Variants in MICU1 observed in about 807,000 individuals in gnomAD.
The protein encoded by MICU1 is mitochondrial calcium uptake 1.
MICU1 carries 45 observed loss-of-function variants against 56.8 expected under a neutral mutation model. The observed-to-expected ratio is 0.79, with a 90% CI of 0.62 to 1.02. The LOEUF (loss-of-function observed/expected upper bound fraction) is 1.02, where lower values mean the gene tolerates loss of function less well. Among genes scored for constraint, MICU1 ranks in the 50% least tolerant of loss-of-function variants. The probability of loss-of-function intolerance (pLI) is 0.00; values close to 1 mark genes in which losing one functional copy is unlikely to be tolerated. For synonymous variants in MICU1, 186 were observed against 195.1 expected (o/e 0.95, Z 0.39); for missense variants, 504 against 587.1 (o/e 0.86, Z 1.46).
chr10:72,383,937 C>T (rs1278721474), intron 10 of MICU1, among the ~76,000 whole-genome samples: 2 of 151,840 alleles, frequency 1.3e-5, no homozygotes, highest in Admixed American at 6.6e-5. Context: ...ACTGGGACTA[C>T]AGGTGTGGAT....
chr10:72,444,797 C>G (rs1033121480), intron 8 of MICU1, among the ~76,000 whole-genome samples: 1 of 152,310 alleles, frequency 6.6e-6, no homozygotes, highest in Middle Eastern at 3.4e-3. Flanking sequence ...CTGGGGTACA[C>G]TGCGTTTGCT....
At chr10:72,553,073 C>T (rs79554558) in intron 3 of MICU1, among the ~76,000 whole-genome samples, 2,060 of 152,246 alleles carry the variant, frequency 0.014, 20 homozygotes, top group Non-Finnish European at 0.019. Flanking sequence ...GAATAGATTT[C>T]ACAGGAGACT....
intron 4 of MICU1, among the ~76,000 whole-genome samples, chr10:72,548,329 C>T (rs1010431605): frequency 3.9e-5 from 6 of 152,086 alleles, no homozygotes; most frequent in African/African-American, 1.4e-4. Flanking sequence ...CAATCAAATG[C>T]AGTGTAGAGG....
chr10:72,608,549 G>C (rs1194326249), intron 1 of MICU1, among the ~76,000 whole-genome samples: 1 of 152,036 alleles, frequency 6.6e-6, no homozygotes, highest in African/African-American at 2.4e-5. Context: ...ACCATAATGA[G>C]GTACTATTCA....
intron 1 of MICU1, among the ~76,000 whole-genome samples, chr10:72,609,639 C>A (rs1171112230): frequency 6.7e-6 from 1 of 150,006 alleles, no homozygotes; most frequent in African/African-American, 2.5e-5. Context: ...GAGGCTGAGG[C>A]AGGAGAATGG....
chr10:72,605,522 G>A (rs1841663144), intron 1 of MICU1, among the ~76,000 whole-genome samples: 1 of 152,162 alleles, frequency 6.6e-6, no homozygotes, highest in East Asian at 1.9e-4. Flanking sequence ...TCTTTCTTGG[G>A]CAAAGCCAAG....
chr10:72,569,237 A>ATATATATATATATTTTTTTT, intron 1 of MICU1, among the ~76,000 whole-genome samples: 4 of 34,378 alleles, frequency 1.2e-4, no homozygotes, highest in Non-Finnish European at 1.5e-4. Context: ...ATATATATAT[A>ATATATATATATATTTTTTTT]TTTTTTTTTT....
intron 8 of MICU1, among the ~76,000 whole-genome samples, chr10:72,430,479 A>G (rs1447846924): frequency 6.6e-6 from 1 of 152,184 alleles, no homozygotes; most frequent in African/African-American, 2.4e-5. Flanking sequence ...AACAAACACC[A>G]CGAGCCTCCC....
intron 3 of MICU1, among the ~76,000 whole-genome samples, chr10:72,554,410 C>T (rs997670848): frequency 2.0e-5 from 3 of 152,110 alleles, no homozygotes; most frequent in Non-Finnish European, 2.9e-5. Context: ...CTGATCGAGC[C>T]TCAGAATCCA....
intron 1 of MICU1, among the ~76,000 whole-genome samples, chr10:72,609,559 C>G (rs1357215821): frequency 6.6e-6 from 1 of 151,706 alleles, no homozygotes; most frequent in Non-Finnish European, 1.5e-5. Flanking sequence ...ACGGTGAAAC[C>G]CCGTCTCTAC....
At chr10:72,450,426 G>A (rs922805954) in intron 8 of MICU1, among the ~76,000 whole-genome samples, 1 of 151,830 alleles carries the variant, frequency 6.6e-6, no homozygotes, top group African/African-American at 2.4e-5. Context: ...GAATGGTGGT[G>A]GAGACAGAGA....
chr10:72,457,317 A>G (rs1350773978), intron 8 of MICU1, among the ~76,000 whole-genome samples: 1 of 151,098 alleles, frequency 6.6e-6, no homozygotes, highest in African/African-American at 2.4e-5. Flanking sequence ...TCCTGGGCTT[A>G]AGCAATCCTC....
intron 1 of MICU1, among the ~76,000 whole-genome samples, chr10:72,607,764 G>A (rs1841732289): frequency 6.6e-6 from 1 of 152,154 alleles, no homozygotes; most frequent in Admixed American, 6.5e-5. Flanking sequence ...TCGCAGTGAG[G>A]TTGGACAGAA....
intron 1 of MICU1, among the ~76,000 whole-genome samples, chr10:72,588,061 G>A (rs900339400): frequency 6.6e-6 from 1 of 152,124 alleles, no homozygotes; most frequent in African/African-American, 2.4e-5. Flanking sequence ...CCTCATGGGA[G>A]GTGACTGGAT....
intron 10 of MICU1, among the ~76,000 whole-genome samples, chr10:72,391,364 G>A (rs554878942): frequency 3.9e-5 from 6 of 152,118 alleles, no homozygotes; most frequent in African/African-American, 9.6e-5. Context: ...TCTGGGAGGC[G>A]GAGGTTGCAG....
Position 72,566,654 on chromosome 10 carries a change from C to CA in MICU1, c.139_140insT (p.Ser47MetfsTer23). The CA allele has an allele frequency of 6.2e-7, 1 of 1,612,836 alleles. No individual in the cohort carries two copies. The highest frequency in any genetic ancestry group is 8.5e-7 in the Non-Finnish European group (1 of 1,179,390). ...TCACCTCTTCCACAAAAGACCAGTACTTGCAGTTACTGCAGATGCTCCCAG... is the reference window on the plus strand; with the variant it reads ...TCACCTCTTCCACAAAAGACCAGTACATTGCAGTTACTGCAGATGCTCCCAG... On this transcript the variant is annotated frameshift_variant, in exon 2 of 12. Transcript: ENST00000361114. LOFTEE classifies it high-confidence loss of function.
At chr10:72,459,564 C>A (rs192415746) in intron 8 of MICU1, among the ~76,000 whole-genome samples, 8 of 152,162 alleles carry the variant, frequency 5.3e-5, no homozygotes, top group Admixed American at 4.6e-4. Flanking sequence ...GATCTCTGGC[C>A]CATCTTGGCT....
At chr10:72,587,366 C>A (rs373302800) in intron 1 of MICU1, among the ~76,000 whole-genome samples, 1 of 147,680 alleles carries the variant, frequency 6.8e-6, no homozygotes, top group East Asian at 2.0e-4. Context: ...ACTCAGGAGG[C>A]TAAGGTGAGA....
At chr10:72,420,759 C>T (rs972798442) in intron 9 of MICU1, among the ~76,000 whole-genome samples, 2 of 151,660 alleles carry the variant, frequency 1.3e-5, no homozygotes, top group African/African-American at 4.8e-5. Flanking sequence ...ACTGCAGCTT[C>T]AACCTCCCCA....
Sources: allele counts gnomAD v4.1 joint callset (sites outside exome capture counted in the v4.1 genomes callset), GRCh38; gene constraint gnomAD v4.1.1; transcripts MANE v1.5; gene names NCBI Gene and HGNC (gene_info 2026-07-23, HGNC 2026-07-21).